The following ACYP2 variants were observed in gnomAD, a reference collection of about 807,000 sequenced individuals.
ACYP2 encodes the protein acylphosphatase 2.
ACYP2 carries 12 observed loss-of-function variants against 11.2 expected under a neutral mutation model. That is an observed-to-expected ratio of 1.08 (90% CI 0.69 to 1.74). The LOEUF is 1.74. Ranked by LOEUF, ACYP2 falls within the 40% of genes most tolerant of loss-of-function variation. ACYP2 has a pLI of 0.00. For missense variants in ACYP2, 134 were observed against 101.9 expected, an observed-to-expected ratio of 1.31 and a Z score of -1.35; for synonymous variants, 43 against 32.2, an observed-to-expected ratio of 1.33 and a Z score of -1.13.
intron 6 of ACYP2, among the ~76,000 whole-genome samples, chr2:54,282,635 A>C (rs1459877955): frequency 6.6e-6 from 1 of 152,244 alleles, no homozygotes; most frequent in East Asian, 1.9e-4. Flanking sequence ...TTAGCCAACT[A>C]CAATGAACCA....
chr2:54,287,019 C>G (rs1279720526), intron 6 of ACYP2, among the ~76,000 whole-genome samples: 2 of 151,968 alleles, frequency 1.3e-5, no homozygotes, highest in East Asian at 3.8e-4. Flanking sequence ...AAAACATGTT[C>G]CCCAATTTTT....
chr2:54,089,489 G>C lies in ACYP2; in HGVS notation c.277+32129G>C, dbSNP rs976995071. On this transcript the variant is annotated intron_variant, in intron 4 of 6. Coordinates refer to ENST00000607452, the MANE Select transcript of ACYP2 (RefSeq NM_001320586.2). ...ATGGCTGGTGCAGTGGCTCACTCTC[G>C]TAATCTCAGCACTTTGGGAGGCTGA... 2.6e-5 allele frequency among the ~76,000 whole-genome samples: 4 copies of C among 152,058 alleles called. No homozygotes were observed. In the East Asian group the frequency reaches 7.7e-4, roughly 29 times the overall value.
chr2:53,984,390 C>G (rs2104512867), intron 2 of ACYP2, among the ~76,000 whole-genome samples: 1 of 151,898 alleles, frequency 6.6e-6, no homozygotes, highest in East Asian at 1.9e-4. Context: ...CTAGCCTGGC[C>G]AGCATGGTGA....
At chr2:54,268,748 G>T (rs1381552128) in intron 6 of ACYP2, among the ~76,000 whole-genome samples, 3 of 152,030 alleles carry the variant, frequency 2.0e-5, no homozygotes, top group Non-Finnish European at 4.4e-5. Flanking sequence ...GGTTAAGGCT[G>T]CAGTGAGCCG....
chr2:53,974,338 C>G (rs2104504494), intron 2 of ACYP2, among the ~76,000 whole-genome samples: 1 of 152,298 alleles, frequency 6.6e-6, no homozygotes, highest in East Asian at 1.9e-4. Context: ...GCAAATCAAA[C>G]TGTGCTTCCA....
chr2:54,140,412 A>G (rs754854171), intron 6 of ACYP2, among the ~76,000 whole-genome samples: 5 of 152,148 alleles, frequency 3.3e-5, no homozygotes, highest in African/African-American at 7.2e-5. Context: ...AAATCGTATC[A>G]TACACTGTGC....
At chr2:54,022,600 G>A (rs1386688613) in intron 2 of ACYP2, among the ~76,000 whole-genome samples, 1 of 151,994 alleles carries the variant, frequency 6.6e-6, no homozygotes, top group Non-Finnish European at 1.5e-5. Context: ...GGGTGGTCTT[G>A]AATTTCTGAC....
At chr2:54,226,265 T>C (rs1251846975) in intron 6 of ACYP2, among the ~76,000 whole-genome samples, 1 of 152,184 alleles carries the variant, frequency 6.6e-6, no homozygotes, top group Non-Finnish European at 1.5e-5. Flanking sequence ...CCCAAGTGAG[T>C]AAAAATGGAC....
intron 2 of ACYP2, among the ~76,000 whole-genome samples, chr2:54,001,045 G>A (rs1310796238): frequency 3.3e-5 from 5 of 152,090 alleles, no homozygotes; most frequent in East Asian, 1.9e-4. Flanking sequence ...AGAATCTCCC[G>A]GATGCTTATT....
At chr2:53,988,414 AT>A (rs1672128632) in intron 2 of ACYP2, among the ~76,000 whole-genome samples, 1 of 151,924 alleles carries the variant, frequency 6.6e-6, no homozygotes, top group Admixed American at 6.6e-5. Flanking sequence ...ATTTATTATT[AT>A]TTTTAGACAG....
intron 2 of ACYP2, among the ~76,000 whole-genome samples, chr2:53,993,694 AAAG>A (rs1215290644): frequency 1.3e-5 from 2 of 151,960 alleles, no homozygotes; most frequent in Non-Finnish European, 2.9e-5. Flanking sequence ...GAGGGAAAAA[AAAG>A]GATGAAAAAA....
intron 6 of ACYP2, among the ~76,000 whole-genome samples, chr2:54,223,300 T>A (rs1685876455): frequency 1.3e-5 from 2 of 152,222 alleles, no homozygotes; most frequent in East Asian, 1.9e-4. Flanking sequence ...TAAGAGCTAC[T>A]CTTTTCTTCT....
intron 6 of ACYP2, among the ~76,000 whole-genome samples, chr2:54,216,812 C>G (rs1685578317): frequency 6.6e-6 from 1 of 152,234 alleles, no homozygotes; most frequent in African/African-American, 2.4e-5. Context: ...GCTGGAATTA[C>G]AAGCGTGAGC....
rs373045683 is a variant in ACYP2 at position 54,073,729 on chromosome 2, A to C, written c.277+16369A>C. On this transcript the variant is annotated intron_variant, in intron 4 of 6. Coordinates refer to ENST00000607452, the MANE Select transcript of ACYP2 (RefSeq NM_001320586.2). ...AAAAATGGGCAAAAGGTCTGAACAA[A>C]GATTTCTTCAAAGAAGATTTACAAA... Among the ~76,000 whole-genome samples, 5 of 152,352 alleles carry C rather than the reference A, an allele frequency of 3.3e-5. No homozygotes were observed. The East Asian group carries it at 7.7e-4, about 23-fold the overall frequency.
intron 6 of ACYP2, among the ~76,000 whole-genome samples, chr2:54,140,646 A>G (rs1240688956): frequency 1.3e-5 from 2 of 152,072 alleles, no homozygotes; most frequent in African/African-American, 4.8e-5. Context: ...TTATCACTCA[A>G]AGATACATCC....
chr2:54,245,657 T>TATCCAAAAA (rs1686914867), intron 6 of ACYP2, among the ~76,000 whole-genome samples: 5 of 152,138 alleles, frequency 3.3e-5, no homozygotes, highest in Admixed American at 3.3e-4. Context: ...TGGATAAATG[T>TATCCAAAAA]ATGTCTCTTT....
intron 6 of ACYP2, among the ~76,000 whole-genome samples, chr2:54,165,682 C>G (rs993818594): frequency 6.6e-6 from 1 of 152,050 alleles, no homozygotes; most frequent in African/African-American, 2.4e-5. Flanking sequence ...GCTGATCTGA[C>G]CTGATCATTG....
intron 4 of ACYP2, among the ~76,000 whole-genome samples, chr2:54,081,818 G>A (rs56193146): frequency 0.25 from 37,804 of 152,084 alleles, 5,281 homozygotes; most frequent in South Asian, 0.47. Flanking sequence ...GTGGCCACCT[G>A]GAGGGGTGAC....
chr2:54,191,618 A>C (rs559387154), intron 6 of ACYP2, among the ~76,000 whole-genome samples: 2 of 152,320 alleles, frequency 1.3e-5, no homozygotes, highest in East Asian at 3.9e-4. Context: ...GAATTTAATG[A>C]ATTTATGAGA....
Sources: allele counts gnomAD v4.1 joint callset (sites outside exome capture counted in the v4.1 genomes callset), GRCh38; gene constraint gnomAD v4.1.1; transcripts MANE v1.5; gene names NCBI Gene and HGNC (gene_info 2026-07-23, HGNC 2026-07-21).